CLOCK: variants seen among roughly 807,000 people sequenced by gnomAD.
CLOCK encodes the protein circadian locomoter output cycles protein kaput.
A neutral mutation model predicts 118.4 loss-of-function variants in CLOCK; 43 were observed. The ratio of observed to expected loss-of-function variants is 0.36; its 90% confidence interval spans 0.28 to 0.47. The LOEUF (loss-of-function observed/expected upper bound fraction) is 0.47. Among genes scored for constraint, CLOCK ranks in the 20% least tolerant of loss-of-function variants. The pLI is 1.00. For missense variants in CLOCK, 846 were observed against 999.9 expected (o/e 0.85, Z 2.08); for synonymous variants, 326 against 339.2 (o/e 0.96, Z 0.43).
chr4:55,545,170 T>C (rs1731532876), intron 1 of CLOCK, among the ~76,000 whole-genome samples: 1 of 152,018 alleles, frequency 6.6e-6, no homozygotes, highest in Non-Finnish European at 1.5e-5. Flanking sequence ...ACCCATTAAC[T>C]CGTCGTTTAC....
intron 1 of CLOCK, among the ~76,000 whole-genome samples, chr4:55,519,700 C>T (rs1013152690): frequency 6.6e-6 from 1 of 152,056 alleles, no homozygotes; most frequent in East Asian, 1.9e-4. Context: ...ACCAATTGAA[C>T]CCGGAAAGCG....
chr4:55,496,790 C>G (rs1224537889), intron 2 of CLOCK, among the ~76,000 whole-genome samples: 1 of 152,094 alleles, frequency 6.6e-6, no homozygotes, highest in Non-Finnish European at 1.5e-5. Flanking sequence ...TCCAGCTACA[C>G]TAAGGAATCA....
intron 9 of CLOCK, among the ~76,000 whole-genome samples, chr4:55,460,715 T>TAGTAA (rs1242382495): frequency 2.0e-5 from 3 of 152,208 alleles, no homozygotes; most frequent in African/African-American, 7.2e-5. Context: ...ATTTCCGCAC[T>TAGTAA]CAAGGACTAG....
intron 1 of CLOCK, among the ~76,000 whole-genome samples, chr4:55,511,897 A>T (rs1305688444): frequency 6.6e-6 from 1 of 152,064 alleles, no homozygotes; most frequent in Non-Finnish European, 1.5e-5. Flanking sequence ...TTCACTTAGT[A>T]AATACACATT....
chr4:55,531,218 C>T (rs13117836), intron 1 of CLOCK, among the ~76,000 whole-genome samples: 51,333 of 151,596 alleles, frequency 0.34, 9,370 homozygotes, highest in East Asian at 0.58. Context: ...AGCATTATGA[C>T]TTTAGACCCA....
intron 11 of CLOCK, among the ~76,000 whole-genome samples, chr4:55,456,710 ACT>A (rs1478281320): frequency 6.6e-6 from 1 of 151,978 alleles, no homozygotes; most frequent in Non-Finnish European, 1.5e-5. Context: ...ACAGGGTCTC[ACT>A]CTGTCACTCA....
chr4:55,453,273 A>G (rs1724630125), intron 14 of CLOCK, 144 bp from the exon 15 acceptor site: 2 of 667,100 alleles, frequency 3.0e-6, no homozygotes, highest in Non-Finnish European at 5.3e-6. Context: ...AAATATACCT[A>G]TAATGTCTTA....
intron 1 of CLOCK, among the ~76,000 whole-genome samples, chr4:55,536,042 A>G (rs994510712): frequency 2.6e-5 from 4 of 152,094 alleles, no homozygotes; most frequent in African/African-American, 9.7e-5. Flanking sequence ...ATTCTCCTAA[A>G]AAGTTTCACG....
intron 9 of CLOCK, among the ~76,000 whole-genome samples, chr4:55,460,164 A>C (rs1232351904): frequency 6.6e-6 from 1 of 152,112 alleles, no homozygotes; most frequent in Non-Finnish European, 1.5e-5. Flanking sequence ...CGTTAACTTC[A>C]ATGATTTTTC....
Position 55,523,614 on chromosome 4 carries a change from C to A in CLOCK, c.-289-13549G>T, listed in dbSNP as rs560064071. On this transcript the variant is annotated intron_variant, in intron 1 of 22. Transcript: ENST00000513440. ...CCTCTGAATGCAACTGGCTGATCAT[C>A]CATGCACGAATCTGGAACATAATCA... is the stretch of plus-strand genomic sequence containing the variant. 2.0e-5 allele frequency among the ~76,000 whole-genome samples: 3 copies of A among 152,288 alleles called. No individual in the cohort carries two copies. In the South Asian group the frequency reaches 6.2e-4, roughly 32 times the overall value.
intron 1 of CLOCK, chr4:55,546,412 C>G (rs1228006179): frequency 6.6e-6 from 1 of 152,190 alleles, no homozygotes; most frequent in East Asian, 1.9e-4. Context: ...CCGCCTTCCC[C>G]ACCCTTGGCC....
chr4:55,483,819 T>C (rs1209803075), intron 3 of CLOCK, among the ~76,000 whole-genome samples: 2 of 152,152 alleles, frequency 1.3e-5, no homozygotes, highest in African/African-American at 4.8e-5. Context: ...AGTCTTACTA[T>C]AAAGAGTCTC....
rs531668311 is a variant in CLOCK, at chr4:55,430,723, C to T, written c.*4692G>A. ...GAATAATTCTTGAAATTATTATATT[C>T]TAAAATGTTACTAGCAATCACTTTT... is the stretch of plus-strand genomic sequence containing the variant. On this transcript the variant is annotated 3_prime_UTR_variant, in exon 23 of 23. Coordinates refer to ENST00000513440, the MANE Select transcript of CLOCK (RefSeq NM_004898.4). The T allele has an allele frequency of 6.6e-6, 1 of 152,146 alleles. No individual in the cohort carries two copies. Among genetic ancestry groups the T allele is most frequent in the Non-Finnish European group, 1.5e-5 (1 of 68,016 alleles). 9.4% of individuals were successfully genotyped at this position (152,146 alleles called of 1,614,324 possible).
Position 55,435,414 on chromosome 4 carries a change from G to C in CLOCK, c.*1C>G. Reference sequence around the variant, plus strand: ...TGATGTCAAGAGAGGAAGCACGTGTGCTACTGTGGTTGAACCTTGGAAGGG... The same window carrying C: ...TGATGTCAAGAGAGGAAGCACGTGTCCTACTGTGGTTGAACCTTGGAAGGG... On this transcript the variant is annotated 3_prime_UTR_variant, in exon 23 of 23. Coordinates refer to ENST00000513440, the MANE Select transcript of CLOCK (RefSeq NM_004898.4). 1 of 1,613,898 alleles carries C rather than the reference G, an allele frequency of 6.2e-7. No individual in the cohort carries two copies. Among genetic ancestry groups the C allele is most frequent in the South Asian group, 1.1e-5 (1 of 91,078 alleles).
At chr4:55,490,323 A>AAT (rs373003546) in intron 2 of CLOCK, among the ~76,000 whole-genome samples, 75 of 150,530 alleles carry the variant, frequency 5.0e-4, no homozygotes, top group South Asian at 1.5e-3. Flanking sequence ...AGCAATTATA[A>AAT]ATATATATAT....
chr4:55,525,956 C>G (rs1189477885), intron 1 of CLOCK, among the ~76,000 whole-genome samples: 1 of 151,554 alleles, frequency 6.6e-6, no homozygotes, highest in African/African-American at 2.4e-5. Flanking sequence ...GTTGAGTATC[C>G]CTAATACAAA....
At chr4:55,523,893 C>T (rs1481856577) in intron 1 of CLOCK, among the ~76,000 whole-genome samples, 1 of 152,008 alleles carries the variant, frequency 6.6e-6, no homozygotes, top group Non-Finnish European at 1.5e-5. Flanking sequence ...AACTGTAAAA[C>T]ATTCTTGTTT....
At chr4:55,517,929 A>G (rs1448459719) in intron 1 of CLOCK, among the ~76,000 whole-genome samples, 1 of 152,140 alleles carries the variant, frequency 6.6e-6, no homozygotes, top group Non-Finnish European at 1.5e-5. Context: ...GTACAGAAAT[A>G]TAGGGGTTAT....
chr4:55,490,622 A>G (rs1429116223), intron 2 of CLOCK, among the ~76,000 whole-genome samples: 2 of 152,166 alleles, frequency 1.3e-5, no homozygotes, highest in East Asian at 3.8e-4. Flanking sequence ...TTTGCCTATA[A>G]CCTATGTGCC....
Sources: allele counts gnomAD v4.1 joint callset (sites outside exome capture counted in the v4.1 genomes callset), GRCh38; gene constraint gnomAD v4.1.1; transcripts MANE v1.5; gene names NCBI Gene and HGNC (gene_info 2026-07-23, HGNC 2026-07-21).